Variants in ADGRL2 observed in about 807,000 individuals in gnomAD.
ADGRL2 encodes the protein adhesion G protein-coupled receptor L2, also known as calcium-independent alpha-latrotoxin receptor 2.
In ADGRL2, 44 loss-of-function variants were observed where a neutral mutation model predicts 157.4. The observed-to-expected ratio is 0.28, with a 90% CI of 0.22 to 0.36. The LOEUF is 0.36. ADGRL2 is among the 10% of genes least tolerant of loss of function. The pLI is 1.00. For missense variants in ADGRL2, 1,510 were observed against 1,768.9 expected (o/e 0.85, Z 2.63); for synonymous variants, 585 against 624.7 (o/e 0.94, Z 0.95).
chr1:81,805,603 G>T (rs1297926014), intron 1 of ADGRL2, among the ~76,000 whole-genome samples: 1 of 148,356 alleles, frequency 6.7e-6, no homozygotes, highest in African/African-American at 2.5e-5. Context: ...CTTTTTTTTT[G>T]GATTACAATT....
chr1:81,603,661 G>A (rs2081377014), intron 3 of ADGRL2, among the ~76,000 whole-genome samples: 1 of 152,062 alleles, frequency 6.6e-6, no homozygotes, highest in Non-Finnish European at 1.5e-5. Context: ...AGCAAGACTA[G>A]GAATACAGCT....
rs1180797285 is a variant in ADGRL2 at position 81,502,895 on chromosome 1, GCAGTGGCACCAATAC to G, written c.-248+57811_-248+57825del. Reference sequence around the variant, plus strand: ...TTTCCCATCCTTGGGCTTGGCTCCAGCAGTGGCACCAATACCAGTAGCCCTCGAATATCCCCAGCA... The same window carrying G: ...TTTCCCATCCTTGGGCTTGGCTCCAGCAGTAGCCCTCGAATATCCCCAGCA... On this transcript the variant is annotated intron_variant, in intron 2 of 24. Coordinates refer to the ADGRL2 transcript ENST00000370721. 4.3e-6 allele frequency: 7 copies of G among 1,613,382 alleles called. No individual in the cohort carries two copies. The African/African-American group carries it at 9.3e-5, about 22-fold the overall frequency.
At chr1:81,335,075 CT>C (rs1661540509) in intron 1 of ADGRL2, among the ~76,000 whole-genome samples, 1 of 152,122 alleles carries the variant, frequency 6.6e-6, no homozygotes, top group Non-Finnish European at 1.5e-5. Context: ...AGTTAGGTAA[CT>C]TGCCCAAGGT....
At chr1:81,551,444 G>A (rs973286393) in intron 2 of ADGRL2, among the ~76,000 whole-genome samples, 1 of 152,178 alleles carries the variant, frequency 6.6e-6, no homozygotes, top group Non-Finnish European at 1.5e-5. Flanking sequence ...TAGCTGTCAA[G>A]TGAACAAATG....
At chr1:81,459,831 T>C (rs28859153) in intron 2 of ADGRL2, among the ~76,000 whole-genome samples, 94 of 100,960 alleles carry the variant, frequency 9.3e-4, no homozygotes, top group Admixed American at 3.7e-3. Context: ...TATATATATA[T>C]ACACACACAC....
At chr1:81,637,410 G>C (rs373848563) in intron 3 of ADGRL2, among the ~76,000 whole-genome samples, 1 of 152,054 alleles carries the variant, frequency 6.6e-6, no homozygotes. Flanking sequence ...AAGAGGATTC[G>C]AAACCATGTT....
chr1:81,968,006 C>G lies in ADGRL2; in HGVS notation c.2350-20C>G, dbSNP rs2149301183. 2 of 1,602,328 alleles carry G rather than the reference C, an allele frequency of 1.2e-6. No homozygotes were observed. The highest frequency in any genetic ancestry group is 8.5e-7 in the Non-Finnish European group (1 of 1,169,822). ...TTAGAATATAAAATCCTAATTTTAT[C>G]TTGTCATTTTATTTCCCAGCCTGAC... On this transcript the variant is annotated intron_variant, in intron 13 of 23. Coordinates refer to ENST00000686636, the MANE Select transcript of ADGRL2 (RefSeq NM_001366006.2).
chr1:81,900,352 G>A (rs768926843), intron 2 of ADGRL2, among the ~76,000 whole-genome samples: 5 of 152,134 alleles, frequency 3.3e-5, no homozygotes, highest in African/African-American at 4.8e-5. Context: ...GCATCGGGCT[G>A]CTCCTTATCC....
chr1:81,395,983 T>C (rs1025040903), intron 1 of ADGRL2, among the ~76,000 whole-genome samples: 6 of 152,206 alleles, frequency 3.9e-5, no homozygotes, highest in Non-Finnish European at 7.4e-5. Context: ...CTGGCAATCC[T>C]TTCTGCTCAG....
At chr1:81,853,833 A>T (rs1241774939) in intron 2 of ADGRL2, among the ~76,000 whole-genome samples, 2 of 152,118 alleles carry the variant, frequency 1.3e-5, no homozygotes, top group African/African-American at 4.8e-5. Context: ...TGAGAATTTT[A>T]TGCTTTATAA....
In ADGRL2 at chr1:81,399,072, C is replaced by A. The variant is rs553727410; in HGVS notation, c.-301-45964C>A. 5.9e-5 allele frequency among the ~76,000 whole-genome samples: 9 copies of A among 152,232 alleles called. No homozygotes were observed. In the East Asian group the frequency reaches 1.4e-3, roughly 23 times the overall value. On this transcript the variant is annotated intron_variant, in intron 1 of 24. Transcript: ENST00000370721. ...AGCATGACTGGGAGGCCTCAGGAAA[C>A]TTACAATCATGGTGGAAGGTGAAGG...
At chr1:81,634,680 C>T (rs886808128) in intron 3 of ADGRL2, among the ~76,000 whole-genome samples, 6 of 151,946 alleles carry the variant, frequency 3.9e-5, no homozygotes, top group Non-Finnish European at 8.8e-5. Flanking sequence ...CACGCCATCA[C>T]GTTTGGCTAA....
intron 3 of ADGRL2, among the ~76,000 whole-genome samples, chr1:81,915,712 A>T (rs553862558): frequency 3.3e-5 from 5 of 152,150 alleles, no homozygotes; most frequent in Non-Finnish European, 7.3e-5. Flanking sequence ...GCCATATCTC[A>T]TTTCAACTTT....
intron 11 of ADGRL2, among the ~76,000 whole-genome samples, chr1:81,963,011 A>G (rs1199839774): frequency 6.6e-6 from 1 of 152,092 alleles, no homozygotes; most frequent in African/African-American, 2.4e-5. Context: ...ATTGATTTTG[A>G]AAGAGGTGCC....
intron 1 of ADGRL2, among the ~76,000 whole-genome samples, chr1:81,349,398 A>G (rs1393932358): frequency 6.6e-6 from 1 of 152,080 alleles, no homozygotes; most frequent in African/African-American, 2.4e-5. Context: ...GTTTGTTTTC[A>G]TTTCGTTTTA....
intron 3 of ADGRL2, among the ~76,000 whole-genome samples, chr1:81,925,015 G>A (rs1157365406): frequency 2.0e-5 from 3 of 152,164 alleles, no homozygotes; most frequent in South Asian, 2.1e-4. Flanking sequence ...GAAAATTCCT[G>A]AGGGGAGTTG....
At chr1:81,403,413 T>C (rs6691739) in intron 1 of ADGRL2, among the ~76,000 whole-genome samples, 144,020 of 152,106 alleles carry the variant, frequency 0.95, 68,499 homozygotes, top group Non-Finnish European at 0.99. Flanking sequence ...TACAGGTGAG[T>C]ACCACCCACT....
intron 19 of ADGRL2, among the ~76,000 whole-genome samples, chr1:81,982,485 TCAGATGAAACTTA>T: frequency 6.6e-6 from 1 of 152,004 alleles, no homozygotes; most frequent in Non-Finnish European, 1.5e-5. Context: ...TTAAGTGGAG[TCAGATGAAACTTA>T]CAGATGAAAA....
chr1:81,522,156 G>A (rs552977054), intron 2 of ADGRL2, among the ~76,000 whole-genome samples: 26 of 152,006 alleles, frequency 1.7e-4, no homozygotes, highest in African/African-American at 5.3e-4. Context: ...GTAGAGATGG[G>A]TTTTCGCCAT....
Sources: allele counts gnomAD v4.1 joint callset (sites outside exome capture counted in the v4.1 genomes callset), GRCh38; gene constraint gnomAD v4.1.1; transcripts MANE v1.5; gene names NCBI Gene and HGNC (gene_info 2026-07-23, HGNC 2026-07-21).